FSTL5: variants seen among roughly 807,000 people sequenced by gnomAD.
FSTL5 encodes follistatin-related protein 5.
FSTL5 carries 62 observed loss-of-function variants against 89.1 expected under a neutral mutation model. That is an observed-to-expected ratio of 0.70 (90% CI 0.57 to 0.86). FSTL5 has a LOEUF of 0.86. FSTL5 is among the 40% of genes least tolerant of loss of function. The pLI is 0.00. For synonymous variants in FSTL5, 383 were observed against 346.2 expected, an observed-to-expected ratio of 1.11 and a Z score of -1.18; for missense variants, 1,057 against 1,001.6, an observed-to-expected ratio of 1.06 and a Z score of -0.75.
intron 7 of FSTL5, among the ~76,000 whole-genome samples, chr4:161,619,394 T>G (rs1032768152): frequency 6.6e-6 from 1 of 151,812 alleles, no homozygotes; most frequent in Non-Finnish European, 1.5e-5. Flanking sequence ...ACCATCAGAG[T>G]GAACAGGCAA....
At chr4:162,028,493 C>T (rs1196609408) in intron 3 of FSTL5, among the ~76,000 whole-genome samples, 1 of 152,168 alleles carries the variant, frequency 6.6e-6, no homozygotes, top group African/African-American at 2.4e-5. Context: ...AAGAGAATCA[C>T]TTGAACCCAG....
At chr4:162,034,003 T>C (rs1737637912) in intron 2 of FSTL5, among the ~76,000 whole-genome samples, 1 of 152,022 alleles carries the variant, frequency 6.6e-6, no homozygotes, top group Non-Finnish European at 1.5e-5. Flanking sequence ...GGCTTCCTTA[T>C]TTTGCCCAGG....
At chr4:161,668,233 A>G (rs1736966667) in intron 6 of FSTL5, among the ~76,000 whole-genome samples, 1 of 152,206 alleles carries the variant, frequency 6.6e-6, no homozygotes. Flanking sequence ...TAAAAGTTAC[A>G]CAAAAAATTC....
rs185558685 is a variant in FSTL5, at chr4:161,465,341, T to A, written c.1609-6022A>T. On this transcript the variant is annotated intron_variant, in intron 13 of 15. Coordinates refer to ENST00000306100, the MANE Select transcript of FSTL5 (RefSeq NM_020116.5). ...CAGTCACCACTTAATTTAGGAAAAA[T>A]GACATGAAGTAAATGCATTATTCAG... Among the ~76,000 whole-genome samples the A allele has an allele frequency of 1.1e-3, 174 of 152,162 alleles. 1 individual carries two copies. Among genetic ancestry groups the A allele is most frequent in the African/African-American group, 4.0e-3 (165 of 41,512 alleles).
At chr4:161,753,782 C>A (rs576549564) in intron 6 of FSTL5, among the ~76,000 whole-genome samples, 122 of 152,192 alleles carry the variant, frequency 8.0e-4, no homozygotes, top group African/African-American at 2.9e-3. Context: ...GTGGCTCACG[C>A]CTGCAATCCC....
chr4:162,012,070 T>A (rs946067406), intron 3 of FSTL5, among the ~76,000 whole-genome samples: 7 of 152,190 alleles, frequency 4.6e-5, no homozygotes, highest in African/African-American at 1.4e-4. Flanking sequence ...TGATGTTCAG[T>A]AAGCGCGTAC....
At chr4:161,744,223 T>A (rs567896464) in intron 6 of FSTL5, among the ~76,000 whole-genome samples, 2 of 152,168 alleles carry the variant, frequency 1.3e-5, no homozygotes, top group East Asian at 3.9e-4. Context: ...GACAGTAACA[T>A]TCTCTGAGGC....
At chr4:161,893,594 G>A (rs1733058251) in intron 4 of FSTL5, among the ~76,000 whole-genome samples, 2 of 152,158 alleles carry the variant, frequency 1.3e-5, no homozygotes, top group African/African-American at 4.8e-5. Flanking sequence ...CATTTGCCTA[G>A]GAAAAATGAG....
chr4:161,913,525 C>T (rs940560171), intron 4 of FSTL5, among the ~76,000 whole-genome samples: 3 of 152,294 alleles, frequency 2.0e-5, no homozygotes, highest in African/African-American at 7.2e-5. Context: ...GTTTGGGAAC[C>T]TCCACCTAGA....
chr4:161,802,135 T>C (rs964126723), intron 4 of FSTL5, among the ~76,000 whole-genome samples: 1 of 151,724 alleles, frequency 6.6e-6, no homozygotes, highest in African/African-American at 2.4e-5. Flanking sequence ...CAATGGATTA[T>C]CTGAATTTTC....
chr4:161,846,237 T>C (rs1731365249), intron 4 of FSTL5, among the ~76,000 whole-genome samples: 2 of 152,152 alleles, frequency 1.3e-5, no homozygotes, highest in Admixed American at 6.5e-5. Context: ...AATAAATGTG[T>C]GTATTTATAT....
intron 15 of FSTL5, among the ~76,000 whole-genome samples, chr4:161,445,617 T>C (rs1465516174): frequency 6.6e-6 from 1 of 151,984 alleles, no homozygotes; most frequent in Non-Finnish European, 1.5e-5. Flanking sequence ...TAATTTCAAA[T>C]TTATCTGTTA....
At chr4:161,820,048 A>G (rs757354518) in intron 4 of FSTL5, among the ~76,000 whole-genome samples, 6 of 152,102 alleles carry the variant, frequency 3.9e-5, no homozygotes, top group Non-Finnish European at 7.4e-5. Context: ...TTACGTGGAA[A>G]ACATTTGTCC....
chr4:162,109,604 C>G (rs1473175026), intron 2 of FSTL5, among the ~76,000 whole-genome samples: 1 of 152,030 alleles, frequency 6.6e-6, no homozygotes, highest in Non-Finnish European at 1.5e-5. Flanking sequence ...TACTAAACCT[C>G]AACACATAAG....
chr4:161,845,877 C>T (rs1428995952), intron 4 of FSTL5, among the ~76,000 whole-genome samples: 2 of 152,000 alleles, frequency 1.3e-5, no homozygotes, highest in South Asian at 2.1e-4. Flanking sequence ...GAAACTCCAT[C>T]GCTACTAAAA....
At chr4:161,718,163 T>C (rs1739059530) in intron 6 of FSTL5, among the ~76,000 whole-genome samples, 1 of 152,182 alleles carries the variant, frequency 6.6e-6, no homozygotes, top group African/African-American at 2.4e-5. Context: ...ATAGTTGATT[T>C]GACTAATTTA....
At chr4:161,628,284 C>G (rs1415415812) in intron 7 of FSTL5, among the ~76,000 whole-genome samples, 4 of 152,014 alleles carry the variant, frequency 2.6e-5, no homozygotes, top group Admixed American at 6.6e-5. Flanking sequence ...TCTATAATCT[C>G]TATATTTTTA....
chr4:161,922,137 A>T (rs1344095519), intron 3 of FSTL5, among the ~76,000 whole-genome samples: 1 of 152,028 alleles, frequency 6.6e-6, no homozygotes, highest in South Asian at 2.1e-4. Context: ...TTCTGATAGC[A>T]GTGAAAATTA....
At chr4:161,929,683 G>GTGTGTGTGTGTGTGTGTGTATA (rs1734230532) in intron 3 of FSTL5, among the ~76,000 whole-genome samples, 1 of 98,168 alleles carries the variant, frequency 1.0e-5, no homozygotes, top group African/African-American at 3.4e-5. Flanking sequence ...GTGTGTGTGT[G>GTGTGTGTGTGTGTGTGTGTATA]TGTGTGTGTG....
Sources: allele counts gnomAD v4.1 joint callset (sites outside exome capture counted in the v4.1 genomes callset), GRCh38; gene constraint gnomAD v4.1.1; transcripts MANE v1.5; gene names NCBI Gene and HGNC (gene_info 2026-07-23, HGNC 2026-07-21).